CDH10: variants seen among roughly 807,000 people sequenced by gnomAD.
CDH10 encodes the protein cadherin-10.
CDH10 carries 30 observed loss-of-function variants against 73.1 expected under a neutral mutation model. That is an observed-to-expected ratio of 0.41 (90% CI 0.31 to 0.56). The LOEUF is 0.56. Among genes scored for constraint, CDH10 ranks in the 20% least tolerant of loss-of-function variants. The probability of loss-of-function intolerance (pLI) is 0.27; values close to 1 mark genes in which losing one functional copy is unlikely to be tolerated. For missense variants in CDH10, 815 were observed against 973.7 expected (o/e 0.84, Z 2.17); for synonymous variants, 345 against 348.2 (o/e 0.99, Z 0.10).
chr5:24,619,604 A>C (rs984720942), intron 1 of CDH10, among the ~76,000 whole-genome samples: 3 of 152,226 alleles, frequency 2.0e-5, no homozygotes, highest in African/African-American at 7.2e-5. Context: ...TGCCTGCACG[A>C]AGGACATGAA....
intron 2 of CDH10, among the ~76,000 whole-genome samples, chr5:24,547,988 C>A (rs2111938195): frequency 6.6e-6 from 1 of 152,286 alleles, no homozygotes; most frequent in South Asian, 2.1e-4. Flanking sequence ...GAAATTGGGT[C>A]ATGCAATTGT....
chr5:24,591,709 T>C (rs1357269849), intron 2 of CDH10, among the ~76,000 whole-genome samples: 1 of 151,894 alleles, frequency 6.6e-6, no homozygotes, highest in Non-Finnish European at 1.5e-5. Context: ...AAGAGCTTAA[T>C]ACTCTCTTAC....
intron 2 of CDH10, among the ~76,000 whole-genome samples, chr5:24,588,114 T>A (rs1746083858): frequency 6.6e-6 from 1 of 152,222 alleles, no homozygotes; most frequent in Non-Finnish European, 1.5e-5. Flanking sequence ...AATGTCTATA[T>A]TCATGCAAAT....
intron 2 of CDH10, among the ~76,000 whole-genome samples, chr5:24,576,932 TGAGAATGGCA>T (rs1745627865): frequency 6.6e-6 from 1 of 151,868 alleles, no homozygotes. Flanking sequence ...TATGATGTGC[TGAGAATGGCA>T]TTTTTACCTC....
At chr5:24,534,568 G>A (rs747728183) in intron 5 of CDH10, among the ~76,000 whole-genome samples, 1 of 152,030 alleles carries the variant, frequency 6.6e-6, no homozygotes, top group African/African-American at 2.4e-5. Flanking sequence ...CATAGATCAG[G>A]AATGCAAAAT....
chr5:24,596,210 C>T (rs1445323205), intron 1 of CDH10, among the ~76,000 whole-genome samples: 1 of 151,892 alleles, frequency 6.6e-6, no homozygotes, highest in African/African-American at 2.4e-5. Flanking sequence ...TATTTCAAAA[C>T]ATTGTGACTT....
chr5:24,595,719 C>T (rs1288541383), intron 1 of CDH10, among the ~76,000 whole-genome samples: 1 of 151,864 alleles, frequency 6.6e-6, no homozygotes, highest in Non-Finnish European at 1.5e-5. Flanking sequence ...GCTTTAAAAC[C>T]TATTGAAGAA....
At chr5:24,550,693 T>C (rs1744511817) in intron 2 of CDH10, among the ~76,000 whole-genome samples, 1 of 152,148 alleles carries the variant, frequency 6.6e-6, no homozygotes, top group Non-Finnish European at 1.5e-5. Context: ...ATGCATCATT[T>C]CCATCCTCCC....
chr5:24,606,265 C>A (rs893614764), intron 1 of CDH10, among the ~76,000 whole-genome samples: 4 of 152,262 alleles, frequency 2.6e-5, no homozygotes, highest in South Asian at 4.1e-4. Flanking sequence ...CATCACTAAT[C>A]AGGGAAATAC....
At chr5:24,496,902 G>T (rs1579718121) in intron 9 of CDH10, among the ~76,000 whole-genome samples, 1 of 152,270 alleles carries the variant, frequency 6.6e-6, no homozygotes, top group Non-Finnish European at 1.5e-5. Context: ...AGACCGAAGT[G>T]ACATCTAACA....
intron 1 of CDH10, among the ~76,000 whole-genome samples, chr5:24,619,952 C>G (rs983314539): frequency 2.6e-5 from 4 of 152,120 alleles, no homozygotes; most frequent in Non-Finnish European, 5.9e-5. Context: ...TAAAAGCTAC[C>G]CACTTTATGG....
At chr5:24,634,225 C>A (rs1003518009) in intron 1 of CDH10, among the ~76,000 whole-genome samples, 1 of 151,808 alleles carries the variant, frequency 6.6e-6, no homozygotes, top group Non-Finnish European at 1.5e-5. Flanking sequence ...AAATTAATTT[C>A]TCCTCTAATT....
At chr5:24,562,534 T>A (rs1314493285) in intron 2 of CDH10, among the ~76,000 whole-genome samples, 1 of 152,040 alleles carries the variant, frequency 6.6e-6, no homozygotes, top group African/African-American at 2.4e-5. Context: ...TGATATACCC[T>A]ACGGAAAAAA....
chr5:24,590,368 G>A (rs989208342), intron 2 of CDH10, among the ~76,000 whole-genome samples: 1 of 150,422 alleles, frequency 6.6e-6, no homozygotes, highest in Admixed American at 6.7e-5. Context: ...TACAATAATA[G>A]AAATTATTTA....
intron 8 of CDH10, among the ~76,000 whole-genome samples, chr5:24,501,250 G>A (rs951857942): frequency 1.3e-5 from 2 of 151,934 alleles, no homozygotes; most frequent in African/African-American, 2.4e-5. Flanking sequence ...AAATTCCGTC[G>A]TCAGCCCCTT....
At chr5:24,501,382 C>CA (rs1172108936) in intron 8 of CDH10, among the ~76,000 whole-genome samples, 1 of 150,266 alleles carries the variant, frequency 6.7e-6, no homozygotes, top group African/African-American at 2.4e-5. Flanking sequence ...GCTACCTATT[C>CA]AAAAAACAGT....
chr5:24,517,716 T>C (rs978537997), intron 5 of CDH10, among the ~76,000 whole-genome samples: 10 of 152,112 alleles, frequency 6.6e-5, no homozygotes, highest in Admixed American at 6.6e-4. Flanking sequence ...TGAAGGGAAA[T>C]GAGAGCCTAG....
intron 9 of CDH10, among the ~76,000 whole-genome samples, chr5:24,494,834 G>T (rs185603407): frequency 7.9e-5 from 12 of 152,184 alleles, no homozygotes; most frequent in Admixed American, 2.0e-4. Flanking sequence ...AACTCATAGA[G>T]ATGACACAAA....
At chr5:24,606,175 A>G (rs1247159970) in intron 1 of CDH10, among the ~76,000 whole-genome samples, 1 of 152,196 alleles carries the variant, frequency 6.6e-6, no homozygotes, top group Non-Finnish European at 1.5e-5. Context: ...ATAGAACTTT[A>G]CCCTAGAAAG....
Sources: gnomAD v4.1 joint callset for allele counts (sites outside exome capture counted in the v4.1 genomes callset) on GRCh38, gnomAD v4.1.1 for gene constraint, MANE v1.5 for transcripts, NCBI Gene and HGNC (gene_info 2026-07-23, HGNC 2026-07-21) for gene names.